Variants in CTNNA2 observed in about 807,000 individuals in gnomAD.
CTNNA2 encodes catenin alpha 2, also known as catenin alpha-2.
Under a neutral mutation model 101.0 loss-of-function variants are expected in CTNNA2, and 42 were observed. The ratio of observed to expected loss-of-function variants is 0.42; its 90% CI spans 0.32 to 0.54. CTNNA2 has a LOEUF of 0.54. CTNNA2 is among the 20% of genes least tolerant of loss of function. CTNNA2 has a pLI of 0.14. For synonymous variants in CTNNA2, 450 were observed against 456.4 expected, an observed-to-expected ratio of 0.99 and a Z score of 0.18; for missense variants, 871 against 1,223.1, an observed-to-expected ratio of 0.71 and a Z score of 4.29.
At chr2:79,692,960 C>T (rs1684413950) in intron 2 of CTNNA2, among the ~76,000 whole-genome samples, 1 of 151,612 alleles carries the variant, frequency 6.6e-6, no homozygotes, top group African/African-American at 2.4e-5. Flanking sequence ...CACCATGACA[C>T]GTGTATACCT....
chr2:79,604,459 G>C (rs1371653282), intron 1 of CTNNA2, among the ~76,000 whole-genome samples: 1 of 152,188 alleles, frequency 6.6e-6, no homozygotes, highest in African/African-American at 2.4e-5. Flanking sequence ...TCAGATCCTG[G>C]TGGATTCCTT....
chr2:79,319,015 C>T (rs944837764), intron 3 of CTNNA2, among the ~76,000 whole-genome samples: 1 of 152,106 alleles, frequency 6.6e-6, no homozygotes, highest in African/African-American at 2.4e-5. Context: ...ACGGCTGAGG[C>T]TAGTACTAAA....
At chr2:79,280,962 G>A (rs1032550025) in intron 2 of CTNNA2, among the ~76,000 whole-genome samples, 18 of 152,024 alleles carry the variant, frequency 1.2e-4, no homozygotes, top group Non-Finnish European at 2.1e-4. Context: ...CATCTCCCCT[G>A]CAGGATCAGG....
At chr2:80,216,204 G>A (rs547102468) in intron 7 of CTNNA2, among the ~76,000 whole-genome samples, 1 of 152,114 alleles carries the variant, frequency 6.6e-6, no homozygotes, top group Non-Finnish European at 1.5e-5. Context: ...GACCCCTTGT[G>A]CTTCCAAGGT....
intron 18 of CTNNA2, among the ~76,000 whole-genome samples, chr2:80,643,060 C>G (rs1316608267): frequency 6.6e-6 from 1 of 152,134 alleles, no homozygotes; most frequent in African/African-American, 2.4e-5. Context: ...GAGGAAACAT[C>G]TGTTTTCTTT....
At chr2:79,860,664 AACAC>A (rs1681551822) in intron 4 of CTNNA2, among the ~76,000 whole-genome samples, 1 of 150,722 alleles carries the variant, frequency 6.6e-6, no homozygotes, top group Admixed American at 6.7e-5. Flanking sequence ...TAGACTAAAT[AACAC>A]ATTTGTTCTA....
rs374008725 is a variant in CTNNA2, at chr2:80,531,053, G to T, written c.1291-13929G>T. Among the ~76,000 whole-genome samples, 466 of 152,306 alleles carry T rather than the reference G, an allele frequency of 3.1e-3. 3 individuals are homozygous for T. The highest frequency in any genetic ancestry group is 0.011 in the African/African-American group (439 of 41,570). On this transcript the variant is annotated intron_variant, in intron 9 of 18. Transcript: ENST00000402739. ...CATGAGGCAATGCAGGTAATAGGAG[G>T]CAGGGGTTACAGGTTCTGAGGGCAG...
chr2:79,832,354 T>C (rs1678992842), intron 3 of CTNNA2, among the ~76,000 whole-genome samples: 1 of 152,234 alleles, frequency 6.6e-6, no homozygotes, highest in South Asian at 2.1e-4. Context: ...TTACTAATCC[T>C]GTGCTCTGGA....
chr2:80,145,446 G>A (rs1703273669), intron 7 of CTNNA2, among the ~76,000 whole-genome samples: 1 of 152,132 alleles, frequency 6.6e-6, no homozygotes, highest in Non-Finnish European at 1.5e-5. Context: ...GCCACTGTTG[G>A]GGGTTTTAAA....
intron 13 of CTNNA2, among the ~76,000 whole-genome samples, chr2:80,576,927 A>G (rs1376081715): frequency 6.6e-6 from 1 of 152,094 alleles, no homozygotes; most frequent in African/African-American, 2.4e-5. Context: ...CACGTCTCCC[A>G]AACTGTGTAT....
chr2:79,708,009 A>G (rs1234631917), intron 2 of CTNNA2, among the ~76,000 whole-genome samples: 2 of 152,250 alleles, frequency 1.3e-5, no homozygotes, highest in Non-Finnish European at 2.9e-5. Context: ...GTGCCAAGTC[A>G]TTAACCAGTA....
At chr2:80,387,746 G>C (rs1677147092) in intron 7 of CTNNA2, among the ~76,000 whole-genome samples, 1 of 152,162 alleles carries the variant, frequency 6.6e-6, no homozygotes. Flanking sequence ...AAAAATCCAA[G>C]TCAGGAAATT....
At chr2:80,589,540 C>T in intron 15 of CTNNA2, 55 bp downstream of exon 15, 2 of 1,556,664 alleles carry the variant, frequency 1.3e-6, no homozygotes, top group East Asian at 4.5e-5. Context: ...AGAAGTGTAG[C>T]AGTGTGTATT....
chr2:80,472,314 G>A (rs1685376567), intron 9 of CTNNA2, among the ~76,000 whole-genome samples: 1 of 152,094 alleles, frequency 6.6e-6, no homozygotes, highest in African/African-American at 2.4e-5. Context: ...ATCTAGCCAT[G>A]GCTGATGAAT....
chr2:79,617,719 A>C (rs951598718), intron 1 of CTNNA2, among the ~76,000 whole-genome samples: 8 of 152,204 alleles, frequency 5.3e-5, no homozygotes, highest in Non-Finnish European at 1.0e-4. Context: ...CAATAGTGGT[A>C]AAATCATGAG....
At position 80,387,123 on chromosome 2, in the gene CTNNA2, T is replaced by C. The variant is rs775647041; in HGVS notation, c.1057-6088T>C. Among the ~76,000 whole-genome samples the C allele has an allele frequency of 4.8e-4, 73 of 152,064 alleles. 1 individual carries two copies. Among genetic ancestry groups the C allele is most frequent in the Non-Finnish European group, 8.7e-4 (59 of 67,972 alleles). On this transcript the variant is annotated intron_variant, in intron 7 of 18. Coordinates refer to ENST00000402739, the MANE Select transcript of CTNNA2 (RefSeq NM_001282597.3). ...CTAACATGGTGAAACCCCGTCTTTA[T>C]TAAAAATACAAAAAAATTAGCCGGG...
At chr2:80,233,833 G>T (rs1368742373) in intron 7 of CTNNA2, among the ~76,000 whole-genome samples, 1 of 152,152 alleles carries the variant, frequency 6.6e-6, no homozygotes, top group African/African-American at 2.4e-5. Flanking sequence ...TAATAGCTTT[G>T]AAGAAGTATT....
At chr2:79,310,638 A>G (rs1233497547) in intron 2 of CTNNA2, among the ~76,000 whole-genome samples, 1 of 152,190 alleles carries the variant, frequency 6.6e-6, no homozygotes, top group Non-Finnish European at 1.5e-5. Context: ...TTTTTAGAAA[A>G]CTAAAAGGAT....
chr2:79,531,610 G>A (rs1334858786), intron 1 of CTNNA2, among the ~76,000 whole-genome samples: 2 of 151,944 alleles, frequency 1.3e-5, no homozygotes, highest in African/African-American at 4.8e-5. Flanking sequence ...TGTAAGCATT[G>A]ACACAAAAGA....
Sources: allele counts gnomAD v4.1 joint callset (sites outside exome capture counted in the v4.1 genomes callset), GRCh38; gene constraint gnomAD v4.1.1; transcripts MANE v1.5; gene names NCBI Gene and HGNC (gene_info 2026-07-23, HGNC 2026-07-21).